NCAPD2: variants seen among roughly 807,000 people sequenced by gnomAD.
The protein encoded by NCAPD2 is condensin complex subunit 1.
NCAPD2 carries 100 observed loss-of-function variants against 164.5 expected under a neutral mutation model. The observed-to-expected ratio is 0.61, with a 90% CI of 0.52 to 0.72. The LOEUF (loss-of-function observed/expected upper bound fraction) is 0.72. Among genes scored for constraint, NCAPD2 ranks in the 30% least tolerant of loss-of-function variants. NCAPD2 has a pLI of 0.00. For missense variants in NCAPD2, 1,560 were observed against 1,749.2 expected, an observed-to-expected ratio of 0.89 and a Z score of 1.93; for synonymous variants, 585 against 642.6, an observed-to-expected ratio of 0.91 and a Z score of 1.36.
In NCAPD2 at chr12:6,529,777, C is replaced by T; in HGVS notation, c.3656C>T (p.Thr1219Ile). 1 of 1,612,088 alleles carries T rather than the reference C, an allele frequency of 6.2e-7. No homozygotes were observed. Among genetic ancestry groups the T allele is most frequent in the Non-Finnish European group, 8.5e-7 (1 of 1,178,672 alleles). The stretch of plus-strand genomic sequence containing the variant: ...CACAAAGCCCTTCCTATCTGCAGAA[C>T]TGAGCGGCAGCAGCGAGACCTGGCC... The part of the protein sequence containing the change: ...KLCQRFRTSR[T>I]ERQQRDLAYC... Residue 1219 changes from threonine (T) to isoleucine (I), a missense_variant and splice_region_variant, in exon 29 of 32, where the codon ACT becomes ATT. Physicochemically the swap from Thr to Ile is moderately conservative, Grantham distance 89. Transcript: ENST00000315579.
intron 6 of NCAPD2, 126 bp downstream of exon 6, chr12:6,511,378 G>A: frequency 1.7e-6 from 2 of 1,175,544 alleles, no homozygotes; most frequent in South Asian, 1.6e-5. Context: ...TGTCGCCCAG[G>A]CTGGAGCGCA....
chr12:6,530,431 AC>A (rs765265863), intron 29 of NCAPD2, among the ~76,000 whole-genome samples: 28 of 152,268 alleles, frequency 1.8e-4, no homozygotes, highest in Non-Finnish European at 3.1e-4. Context: ...GCAGTATCAT[AC>A]AGAAGAGTTT....
At chr12:6,504,200 TATATATATATATATATAGATATAG>T (rs1268901669) in intron 2 of NCAPD2, among the ~76,000 whole-genome samples, 72 of 22,334 alleles carry the variant, frequency 3.2e-3, no homozygotes, top group African/African-American at 0.021. Flanking sequence ...TATATATATA[TATATATATATATATATAGATATAG>T]ATATATATAT....
Position 6,531,121 on chromosome 12 carries a change from G to C in NCAPD2, c.4120+45G>C, listed in dbSNP as rs556030486. On this transcript the variant is annotated intron_variant, in intron 31 of 31. Coordinates refer to ENST00000315579, the MANE Select transcript of NCAPD2 (RefSeq NM_014865.4). This position sits in a 1 kb window ranked among gnomAD's most constrained non-coding sequence, Gnocchi z 4.1. Reference sequence around the variant, plus strand: ...TCCCGGCCGAGAAGGCACACAGCTAGGGTGCAGAGGGCTGGTTTCCATAGG... The same window carrying C: ...TCCCGGCCGAGAAGGCACACAGCTACGGTGCAGAGGGCTGGTTTCCATAGG... 1 of 1,608,800 alleles carries C rather than the reference G, an allele frequency of 6.2e-7. No homozygotes were observed. The highest frequency in any genetic ancestry group is 1.7e-5 in the Admixed American group (1 of 59,638).
At position 6,521,031 on chromosome 12, in the gene NCAPD2, G is replaced by A; in HGVS notation, c.1635G>A (p.Glu545=). Residue 545 remains glutamate, a synonymous_variant, in exon 14 of 32, where the codon GAG becomes GAA. Transcript: ENST00000315579. ...GAGAAGCCACAGGCCACTTCCAGGA[G>A]TCCGAACCCTTCAGTCATATAGACC... The part of the protein sequence containing the change: ...LTREATGHFQ[E]SEPFSHIDPE... The A allele has an allele frequency of 1.2e-6, 2 of 1,614,166 alleles. No individual in the cohort carries two copies. Among genetic ancestry groups the A allele is most frequent in the Non-Finnish European group, 1.7e-6 (2 of 1,179,990 alleles).
In NCAPD2 at chr12:6,526,302, C is replaced by A; in HGVS notation, c.2497C>A (p.Arg833Ser). 1 of 1,614,202 alleles carries A rather than the reference C, an allele frequency of 6.2e-7. No homozygotes were observed. The highest frequency in any genetic ancestry group is 8.5e-7 in the Non-Finnish European group (1 of 1,180,042). The part of the protein sequence containing the change: ...SDRRKPSLGK[R>S]HPPFRLPQEH... ...CTCTCCACAGCCTTCTCTGGGCAAA[C>A]GTCACCCCCCCTTCCGGCTGCCTCA... Residue 833 changes from arginine to serine, a missense_variant, in exon 20 of 32, where the codon CGT becomes AGT. Coordinates refer to ENST00000315579, the MANE Select transcript of NCAPD2 (RefSeq NM_014865.4).
At position 6,517,681 on chromosome 12, in the gene NCAPD2, C is replaced by T. The variant is rs374668663; in HGVS notation, c.1406C>T (p.Ala469Val). The change falls in exon 12 of 32, where the codon GCT becomes GTT. Residue 469 changes from alanine (A) to valine (V), a missense_variant and splice_region_variant. Transcript: ENST00000315579. Reference protein sequence around the residue: ...EMRAQRRTAAASAVLDPEEEW... With the variant: ...EMRAQRRTAAVSAVLDPEEEW... ...AGGGCCCAGAGGCGAACTGCAGCAG[C>T]TTGTAAGTAGTTACTGCCTTGGAGT... The T allele has an allele frequency of 5.8e-5, 94 of 1,614,130 alleles. No homozygotes were observed. The highest frequency in any genetic ancestry group is 7.5e-5 in the Non-Finnish European group (89 of 1,180,058).
chr12:6,528,069 C>T lies in NCAPD2; in HGVS notation c.3121C>T (p.Leu1041Phe). ...CCTCTCTGCAGCTGCTTCACTTGCC[C>T]TTGGCAAGTTCTGCATGATCAGGTA... Reference protein sequence around the residue: ...PDLSAAASLALGKFCMISATF... With the variant: ...PDLSAAASLAFGKFCMISATF... The change falls in exon 24 of 32, where the codon CTT becomes TTT. Residue 1041 changes from leucine (L) to phenylalanine (F), a missense_variant. Physicochemically the swap from Leu to Phe is conservative, Grantham distance 22. Coordinates refer to ENST00000315579, the MANE Select transcript of NCAPD2 (RefSeq NM_014865.4). This position sits in a 1 kb window ranked among gnomAD's most constrained non-coding sequence, Gnocchi z 5.1. 1 of 1,614,250 alleles carries T rather than the reference C, an allele frequency of 6.2e-7. No individual in the cohort carries two copies. The highest frequency in any genetic ancestry group is 8.5e-7 in the Non-Finnish European group (1 of 1,180,048).
intron 13 of NCAPD2, among the ~76,000 whole-genome samples, chr12:6,518,511 T>G (rs12822669): frequency 2.1e-4 from 21 of 99,866 alleles, no homozygotes; most frequent in African/African-American, 6.8e-4. Context: ...CAAGTTTTTT[T>G]TTTTTTTTTT....
At chr12:6,497,401 G>A (rs1945994238) in intron 2 of NCAPD2, among the ~76,000 whole-genome samples, 1 of 151,660 alleles carries the variant, frequency 6.6e-6, no homozygotes, top group Non-Finnish European at 1.5e-5. Flanking sequence ...CCATCACCTG[G>A]GTATTAAGCC....
In NCAPD2 at chr12:6,525,583, C is replaced by T; in HGVS notation, c.2215C>T (p.Leu739Phe). ...VGTIQCLEEI[L>F]CEFVQKDELK... ...TGAGCCCTTTTTCTTTTCTCTTTAG[C>T]TCTGTGAGTTTGTGCAGAAGGATGA... Residue 739 changes from leucine (L) to phenylalanine (F), a missense_variant and splice_region_variant, in exon 18 of 32, where the codon CTC (leucine) becomes TTC (phenylalanine). By Grantham distance (22) the Leu-to-Phe change is conservative. Coordinates refer to ENST00000315579, the MANE Select transcript of NCAPD2 (RefSeq NM_014865.4). 4.4e-6 allele frequency: 7 copies of T among 1,607,340 alleles called. No individual in the cohort carries two copies. Among genetic ancestry groups the T allele is most frequent in the Non-Finnish European group, 5.9e-6 (7 of 1,176,522 alleles).
At chr12:6,514,958 G>A in intron 9 of NCAPD2, 38 bp downstream of exon 9, 3 of 1,611,150 alleles carry the variant, frequency 1.9e-6, no homozygotes, top group Non-Finnish European at 2.5e-6. Context: ...CTTTTTCTGG[G>A]GATTTTAAGT....
chr12:6,521,429 C>T (rs1326867195), intron 14 of NCAPD2, among the ~76,000 whole-genome samples: 1 of 152,206 alleles, frequency 6.6e-6, no homozygotes, highest in African/African-American at 2.4e-5. Context: ...TGCCTGTAAT[C>T]CTAACACTTT....
chr12:6,526,827 G>T, intron 21 of NCAPD2, 64 bp from the exon 22 acceptor site: 2 of 1,534,326 alleles, frequency 1.3e-6, no homozygotes, highest in South Asian at 1.2e-5. Flanking sequence ...GTAAAAATCG[G>T]ATTCAGGTTT....
At chr12:6,510,463 C>T (rs771992714) in intron 4 of NCAPD2, 166 bp from the exon 5 acceptor site, 2 of 839,946 alleles carry the variant, frequency 2.4e-6, no homozygotes, top group Non-Finnish European at 4.1e-6. Flanking sequence ...AGGGCATGTT[C>T]AGGGTATCAG....
At chr12:6,517,986 G>A (rs759632234) in intron 13 of NCAPD2, 27 bp downstream of exon 13, 32 of 1,604,874 alleles carry the variant, frequency 2.0e-5, no homozygotes, top group East Asian at 6.7e-5. Flanking sequence ...GATATTCTTC[G>A]TGATCTGTTT....
intron 13 of NCAPD2, among the ~76,000 whole-genome samples, chr12:6,520,738 A>G (rs1278610439): frequency 6.6e-6 from 1 of 152,182 alleles, no homozygotes. Flanking sequence ...TTTTTTGAAG[A>G]CTGTAGTAAT....
intron 15 of NCAPD2, among the ~76,000 whole-genome samples, chr12:6,522,368 G>C (rs1405065799): frequency 6.6e-6 from 1 of 151,776 alleles, no homozygotes; most frequent in Non-Finnish European, 1.5e-5. Context: ...AGGAAGACAG[G>C]TTGAGGCCAG....
At chr12:6,509,373 T>C (rs926336096) in intron 2 of NCAPD2, among the ~76,000 whole-genome samples, 5 of 152,194 alleles carry the variant, frequency 3.3e-5, no homozygotes, top group Non-Finnish European at 7.3e-5. Flanking sequence ...GCAATTCTCC[T>C]GCCTCAGCCT....
Sources: allele counts gnomAD v4.1 joint callset (sites outside exome capture counted in the v4.1 genomes callset), GRCh38; gene constraint gnomAD v4.1.1; non-coding constraint Gnocchi (gnomAD v3.1); transcripts MANE v1.5; gene names NCBI Gene and HGNC (gene_info 2026-07-23, HGNC 2026-07-21).